FRMD4B: variants seen among roughly 807,000 people sequenced by gnomAD.
FRMD4B encodes FERM domain containing 4B, also known as FERM domain-containing protein 4B.
FRMD4B carries 74 observed loss-of-function variants against 141.5 expected under a neutral mutation model. That is an observed-to-expected ratio of 0.52 (90% CI 0.43 to 0.63). FRMD4B has a LOEUF of 0.63. Among genes scored for constraint, FRMD4B ranks in the 30% least tolerant of loss-of-function variants. The pLI is 0.00. For missense variants in FRMD4B, 1,366 were observed against 1,253.4 expected (o/e 1.09, Z -1.36); for synonymous variants, 506 against 467.9 (o/e 1.08, Z -1.05).
chr3:69,308,529 C>T (rs1701469125), intron 3 of FRMD4B, among the ~76,000 whole-genome samples: 1 of 150,430 alleles, frequency 6.6e-6, no homozygotes, highest in Non-Finnish European at 1.5e-5. Flanking sequence ...CCTCCACTTT[C>T]TGGGCTCATG....
At chr3:69,213,046 G>A (rs1453202912) in intron 11 of FRMD4B, among the ~76,000 whole-genome samples, 2 of 152,122 alleles carry the variant, frequency 1.3e-5, no homozygotes, top group African/African-American at 2.4e-5. Context: ...TCCATCAAAA[G>A]TGAAGTGGTT....
intron 7 of FRMD4B, among the ~76,000 whole-genome samples, chr3:69,240,074 A>ACACC (rs1279387154): frequency 1.3e-5 from 2 of 151,790 alleles, no homozygotes; most frequent in Non-Finnish European, 2.9e-5. Flanking sequence ...ACACACACAC[A>ACACC]CACCCAACAT....
rs1700728193 is a variant in FRMD4B at position 69,287,566 on chromosome 3, C to T, written c.501+186G>A. The T allele has an allele frequency of 1.1e-5, 6 of 554,496 alleles. No individual in the cohort carries two copies. In the Admixed American group the frequency reaches 2.0e-4, roughly 18 times the overall value. 34.3% of individuals were successfully genotyped at this position (554,496 alleles called of 1,614,324 possible). On this transcript the variant is annotated intron_variant, in intron 5 of 22. Coordinates refer to ENST00000398540, the MANE Select transcript of FRMD4B (RefSeq NM_015123.3). Reference sequence around the variant, plus strand: ...CCCGTGCAGATGGTTGTCTTTCCCACTCAGAATTTGAGAAAAGATACCATT... The same window carrying T: ...CCCGTGCAGATGGTTGTCTTTCCCATTCAGAATTTGAGAAAAGATACCATT...
intron 1 of FRMD4B, among the ~76,000 whole-genome samples, chr3:69,333,718 T>C (rs1702453123): frequency 6.6e-6 from 1 of 152,226 alleles, no homozygotes; most frequent in Non-Finnish European, 1.5e-5. Flanking sequence ...TTCCATCAAA[T>C]TGTGAACGTG....
chr3:69,460,569 G>T (rs1406426715), intron 1 of FRMD4B, among the ~76,000 whole-genome samples: 2 of 152,168 alleles, frequency 1.3e-5, no homozygotes, highest in African/African-American at 4.8e-5. Context: ...AATATAGTTT[G>T]TTTTTGGCTA....
intron 1 of FRMD4B, among the ~76,000 whole-genome samples, chr3:69,526,677 A>C (rs1026605837): frequency 6.6e-6 from 1 of 152,170 alleles, no homozygotes; most frequent in African/African-American, 2.4e-5. Flanking sequence ...GCAGGACTGG[A>C]CAGCTTTAAA....
chr3:69,396,322 T>C (rs940527128), intron 2 of FRMD4B, among the ~76,000 whole-genome samples: 5 of 152,056 alleles, frequency 3.3e-5, no homozygotes, highest in African/African-American at 9.7e-5. Context: ...CTGGCCAATA[T>C]GGTGAAACCC....
intron 1 of FRMD4B, among the ~76,000 whole-genome samples, chr3:69,465,895 G>A (rs571332870): frequency 6.6e-6 from 1 of 152,182 alleles, no homozygotes; most frequent in South Asian, 2.1e-4. Context: ...ATAATCCTTT[G>A]GGTATACACC....
At chr3:69,456,520 A>G (rs1189251853) in intron 1 of FRMD4B, among the ~76,000 whole-genome samples, 1 of 152,010 alleles carries the variant, frequency 6.6e-6, no homozygotes, top group Admixed American at 6.5e-5. Flanking sequence ...ATGCTACACT[A>G]GAAAGCTGAT....
chr3:69,467,962 T>C (rs1318904077), intron 1 of FRMD4B, among the ~76,000 whole-genome samples: 2 of 152,244 alleles, frequency 1.3e-5, no homozygotes, highest in African/African-American at 4.8e-5. Flanking sequence ...GGCCTGAAGC[T>C]ACCCTGAAAA....
In FRMD4B at chr3:69,169,353, C is replaced by CTTCCTTTTTTTTTTTTTTT. The variant is rs1553691418; in HGVS notation, c.*2507_*2508insAAAAAAAAAAAAAAAGGAA. ...AGGATTGCTGAACTTCCATTTCTTT[C>CTTCCTTTTTTTTTTTTTTT]TTTTTTTTTTTTTTTTTTTTTTCTT... On this transcript the variant is annotated 3_prime_UTR_variant, in exon 23 of 23. Coordinates refer to ENST00000398540, the MANE Select transcript of FRMD4B (RefSeq NM_015123.3). Among the ~76,000 whole-genome samples the CTTCCTTTTTTTTTTTTTTT allele has an allele frequency of 6.8e-5, 2 of 29,286 alleles. 1 individual carries two copies. Among genetic ancestry groups the CTTCCTTTTTTTTTTTTTTT allele is most frequent in the Non-Finnish European group, 3.6e-4 (2 of 5,488 alleles). 19.2% of individuals were successfully genotyped at this position (29,286 alleles called of 152,430 possible). A position where few individuals can be genotyped will look rare whatever the true frequency, so the allele number is the denominator to read the frequency against.
chr3:69,345,260 G>A (rs1180317435), intron 1 of FRMD4B, among the ~76,000 whole-genome samples: 3 of 152,162 alleles, frequency 2.0e-5, no homozygotes, highest in Non-Finnish European at 2.9e-5. Flanking sequence ...GTCTGAGATC[G>A]AACTGCAAGG....
At chr3:69,251,306 T>C (rs1016572637) in intron 5 of FRMD4B, among the ~76,000 whole-genome samples, 14 of 152,294 alleles carry the variant, frequency 9.2e-5, no homozygotes, top group African/African-American at 3.4e-4. Flanking sequence ...GTTTCCTAGT[T>C]ATACCAAGTG....
chr3:69,541,789 T>TCCCCC (rs56146632), intron 1 of FRMD4B, among the ~76,000 whole-genome samples: 1,845 of 147,754 alleles, frequency 0.012, 26 homozygotes, highest in African/African-American at 0.029. Flanking sequence ...TCCAGGGATT[T>TCCCCC]CCCCCCCCTC....
At position 69,171,496 on chromosome 3, in the gene FRMD4B, G is replaced by T; in HGVS notation, c.*365C>A. On this transcript the variant is annotated 3_prime_UTR_variant, in exon 23 of 23. Coordinates refer to ENST00000398540, the MANE Select transcript of FRMD4B (RefSeq NM_015123.3). ...CTCTGAGATTTCCCCTGTTCTTATT[G>T]CCATGGGACATCCTGAATGCCCTTT... 1 of 180,410 alleles carries T rather than the reference G, an allele frequency of 5.5e-6. No individual in the cohort carries two copies. Among genetic ancestry groups the T allele is most frequent in the Non-Finnish European group, 1.2e-5 (1 of 86,420 alleles). 11.2% of individuals were successfully genotyped at this position (180,410 alleles called of 1,614,324 possible). A position where few individuals can be genotyped will look rare whatever the true frequency, so the allele number is the denominator to read the frequency against.
chr3:69,378,078 C>T (rs1438089568), intron 1 of FRMD4B, among the ~76,000 whole-genome samples: 2 of 151,966 alleles, frequency 1.3e-5, no homozygotes, highest in Non-Finnish European at 2.9e-5. Context: ...CCTTGGCCTC[C>T]CAAAGAGCTG....
intron 3 of FRMD4B, among the ~76,000 whole-genome samples, chr3:69,303,531 T>G (rs1261466127): frequency 6.6e-6 from 1 of 152,186 alleles, no homozygotes; most frequent in East Asian, 1.9e-4. Context: ...ACTAGTTGAC[T>G]TTTGAGGTAA....
Position 69,319,164 on chromosome 3 carries a change from T to C in FRMD4B, c.163-5647A>G, listed in dbSNP as rs186376298. On this transcript the variant is annotated intron_variant, in intron 1 of 22. Coordinates refer to ENST00000398540, the MANE Select transcript of FRMD4B (RefSeq NM_015123.3). ...CACCAGGAAATTAAGGCCTGACAAG[T>C]GATGTAACTTGCACAGGAGTTCTAA... Among the ~76,000 whole-genome samples, 673 of 152,304 alleles carry C rather than the reference T, an allele frequency of 4.4e-3. 5 individuals carry two copies. The highest frequency in any genetic ancestry group is 0.015 in the African/African-American group (625 of 41,562).
intron 2 of FRMD4B, among the ~76,000 whole-genome samples, chr3:69,410,716 TAA>T (rs1195805327): frequency 3.0e-5 from 2 of 66,038 alleles, no homozygotes; most frequent in South Asian, 6.7e-4. Flanking sequence ...TATAAATAAA[TAA>T]ATAAATAAAT....
Sources: gnomAD v4.1 joint callset for allele counts (sites outside exome capture counted in the v4.1 genomes callset) on GRCh38, gnomAD v4.1.1 for gene constraint, MANE v1.5 for transcripts, NCBI Gene and HGNC (gene_info 2026-07-23, HGNC 2026-07-21) for gene names.